Variants in CADPS2 observed in about 807,000 individuals in gnomAD.
CADPS2 encodes calcium dependent secretion activator 2.
In CADPS2, 93 loss-of-function variants were observed where a neutral mutation model predicts 172.5. The observed-to-expected ratio is 0.54, with a 90% confidence interval of 0.46 to 0.64. The LOEUF (loss-of-function observed/expected upper bound fraction) is 0.64, where lower values mean the gene tolerates loss of function less well. CADPS2 is among the 30% of genes least tolerant of loss of function. The pLI is 0.00. For missense variants in CADPS2, 1,420 were observed against 1,565.9 expected (o/e 0.91, Z 1.57); for synonymous variants, 546 against 555.2 (o/e 0.98, Z 0.23).
intron 25 of CADPS2, among the ~76,000 whole-genome samples, chr7:122,364,867 A>T (rs1484108085): frequency 1.3e-5 from 2 of 152,206 alleles, no homozygotes; most frequent in Non-Finnish European, 2.9e-5. Flanking sequence ...ACATGAACAT[A>T]ACTGCACATG....
At chr7:122,784,329 T>C (rs1589183631) in intron 1 of CADPS2, among the ~76,000 whole-genome samples, 2 of 152,378 alleles carry the variant, frequency 1.3e-5, no homozygotes, top group East Asian at 3.9e-4. Context: ...AATATATCTT[T>C]ACTTTGCATT....
intron 15 of CADPS2, among the ~76,000 whole-genome samples, chr7:122,450,015 TA>T (rs1415963805): frequency 1.3e-5 from 2 of 152,058 alleles, no homozygotes; most frequent in African/African-American, 4.8e-5. Context: ...CAATATCATT[TA>T]AAAAAATCAC....
intron 1 of CADPS2, among the ~76,000 whole-genome samples, chr7:122,747,334 C>T (rs1324662291): frequency 3.3e-5 from 5 of 151,994 alleles, no homozygotes; most frequent in Non-Finnish European, 5.9e-5. Flanking sequence ...GACCCTTTAC[C>T]GTCCTACAAA....
At chr7:122,702,526 C>G in intron 2 of CADPS2, 1 of 1,613,638 alleles carries the variant, frequency 6.2e-7, no homozygotes, top group South Asian at 1.1e-5. Context: ...CAGGAAGTGC[C>G]ACCACACCAG....
chr7:122,871,344 T>C (rs1002656827), intron 1 of CADPS2, among the ~76,000 whole-genome samples: 2 of 152,050 alleles, frequency 1.3e-5, no homozygotes, highest in African/African-American at 4.8e-5. Flanking sequence ...GGATACTTCA[T>C]GATCTTGATC....
chr7:122,465,478 G>A (rs959137144), intron 14 of CADPS2, among the ~76,000 whole-genome samples: 7 of 152,156 alleles, frequency 4.6e-5, no homozygotes, highest in African/African-American at 1.7e-4. Context: ...GCAGGCAAGC[G>A]AGTACTGCCT....
intron 2 of CADPS2, among the ~76,000 whole-genome samples, chr7:122,705,576 TTA>T (rs1190716961): frequency 1.8e-5 from 2 of 110,336 alleles, no homozygotes; most frequent in Non-Finnish European, 3.4e-5. Context: ...ATTATCTATA[TTA>T]TATATTATAT....
intron 1 of CADPS2, among the ~76,000 whole-genome samples, chr7:122,773,651 CT>C (rs35572612): frequency 0.2 from 30,005 of 151,922 alleles, 3,091 homozygotes; most frequent in Middle Eastern, 0.3. Flanking sequence ...TACACACATC[CT>C]TTATGTTGTG....
At chr7:122,850,633 G>A (rs1813305906) in intron 1 of CADPS2, among the ~76,000 whole-genome samples, 1 of 152,196 alleles carries the variant, frequency 6.6e-6, no homozygotes. Context: ...TATCCTGATG[G>A]TCAGCTCCCT....
At chr7:122,868,274 G>C (rs919565753) in intron 1 of CADPS2, among the ~76,000 whole-genome samples, 3 of 151,942 alleles carry the variant, frequency 2.0e-5, no homozygotes, top group Admixed American at 2.0e-4. Context: ...CAAACCTTCA[G>C]CAACTATCTC....
chr7:122,610,222 T>C (rs902816890), intron 6 of CADPS2, among the ~76,000 whole-genome samples: 1 of 152,016 alleles, frequency 6.6e-6, no homozygotes, highest in African/African-American at 2.4e-5. Context: ...TTAGTTCACT[T>C]ATATTGTTCA....
At chr7:122,723,048 T>G (rs1272581263) in intron 2 of CADPS2, among the ~76,000 whole-genome samples, 1 of 152,054 alleles carries the variant, frequency 6.6e-6, no homozygotes, top group African/African-American at 2.4e-5. Context: ...ATTAAAGACT[T>G]AAATGTTAGA....
chr7:122,723,841 T>G (rs1274871204), intron 2 of CADPS2, among the ~76,000 whole-genome samples: 1 of 152,104 alleles, frequency 6.6e-6, no homozygotes, highest in Non-Finnish European at 1.5e-5. Flanking sequence ...TGGAAGACTA[T>G]GCAGCCATAA....
At chr7:122,501,937 C>G (rs2059242245) in intron 9 of CADPS2, among the ~76,000 whole-genome samples, 1 of 149,336 alleles carries the variant, frequency 6.7e-6, no homozygotes, top group African/African-American at 2.5e-5. Flanking sequence ...ACACAACTCT[C>G]TGTAGTTCAA....
chr7:122,480,400 A>G (rs553227249), intron 12 of CADPS2, among the ~76,000 whole-genome samples: 21 of 152,296 alleles, frequency 1.4e-4, no homozygotes, highest in Non-Finnish European at 2.5e-4. Flanking sequence ...AAAAATAAAT[A>G]AAAATACATA....
Position 122,471,511 on chromosome 7 carries a change from AAC to A in CADPS2, c.2048_2049del (p.Arg683LeufsTer27). 6.2e-7 allele frequency: 1 copy of A among 1,611,500 alleles called. No homozygotes were observed. The highest frequency in any genetic ancestry group is 8.5e-7 in the Non-Finnish European group (1 of 1,178,738). On this transcript the variant is annotated frameshift_variant, in exon 14 of 30. Transcript: ENST00000449022. LOFTEE classifies it high-confidence loss of function. Reference protein sequence around the residue: ...QVFVLDEYCARYGVRGCHRHL... With the variant: ...QVFVLDEYCAXYGVRGCHRHL... ...TGTCTGTGACAGCCTCTCACACCAT[AAC>A]GGGCACAGTACTCATCTAACACAAA...
intron 17 of CADPS2, among the ~76,000 whole-genome samples, chr7:122,432,875 T>C (rs1198256814): frequency 1.4e-4 from 21 of 151,964 alleles, no homozygotes; most frequent in Admixed American, 1.4e-3. Flanking sequence ...ATTTTCATTG[T>C]TACCCACTTT....
chr7:122,795,674 A>T (rs550388905), intron 1 of CADPS2, among the ~76,000 whole-genome samples: 2 of 152,350 alleles, frequency 1.3e-5, no homozygotes, highest in East Asian at 3.9e-4. Flanking sequence ...TATTCATGTT[A>T]AAAACTATCA....
At chr7:122,842,922 GC>G (rs1810961025) in intron 1 of CADPS2, among the ~76,000 whole-genome samples, 1 of 152,198 alleles carries the variant, frequency 6.6e-6, no homozygotes, top group African/African-American at 2.4e-5. Flanking sequence ...AAGCTAGGGA[GC>G]CTTCAAAGCC....
Sources: allele counts gnomAD v4.1 joint callset (sites outside exome capture counted in the v4.1 genomes callset), GRCh38; gene constraint gnomAD v4.1.1; transcripts MANE v1.5; gene names NCBI Gene and HGNC (gene_info 2026-07-23, HGNC 2026-07-21).